The following GC variants were observed in gnomAD, a reference collection of about 807,000 sequenced individuals.
GC encodes the protein GC vitamin D binding protein.
GC carries 43 observed loss-of-function variants against 56.7 expected under a neutral mutation model. That is an observed-to-expected ratio of 0.76 (90% CI 0.59 to 0.98). The LOEUF is 0.98. Among genes scored for constraint, GC ranks in the 50% least tolerant of loss-of-function variants. The pLI, the probability that GC is intolerant of heterozygous loss-of-function variation, is 0.00. For missense variants in GC, 529 were observed against 545.9 expected, an observed-to-expected ratio of 0.97 and a Z score of 0.31; for synonymous variants, 216 against 202.7, an observed-to-expected ratio of 1.07 and a Z score of -0.56.
intron 1 of GC, among the ~76,000 whole-genome samples, chr4:71,776,217 C>G (rs940858360): frequency 3.3e-5 from 5 of 151,774 alleles, no homozygotes; most frequent in African/African-American, 1.2e-4. Flanking sequence ...TTTACTGTAG[C>G]ATTATTCACA....
chr4:71,804,813 T>C (rs901723580), upstream of GC, among the ~76,000 whole-genome samples: 3 of 151,414 alleles, frequency 2.0e-5, no homozygotes, highest in Non-Finnish European at 4.4e-5. Flanking sequence ...GTCCCATAAC[T>C]GTTGTGTATC....
chr4:71,769,949 C>T (rs1054810933), intron 1 of GC, among the ~76,000 whole-genome samples: 23 of 152,164 alleles, frequency 1.5e-4, no homozygotes, highest in Non-Finnish European at 2.9e-4. Context: ...TGCTACTTGG[C>T]TCCTGGCTGT....
At chr4:71,800,349 A>G (rs1447963630) in intron 1 of GC, among the ~76,000 whole-genome samples, 2 of 151,780 alleles carry the variant, frequency 1.3e-5, no homozygotes, top group Admixed American at 6.6e-5. Context: ...TTCTGTTCCT[A>G]TGTTAGTTTG....
At chr4:71,783,291 T>C (rs570646532) in intron 1 of GC, among the ~76,000 whole-genome samples, 17 of 151,874 alleles carry the variant, frequency 1.1e-4, no homozygotes, top group African/African-American at 3.9e-4. Context: ...GTAGAATTCA[T>C]AAAGTTGTAT....
chr4:71,796,450 G>A (rs997570967), intron 1 of GC, among the ~76,000 whole-genome samples: 4 of 152,034 alleles, frequency 2.6e-5, no homozygotes, highest in Admixed American at 6.5e-5. Context: ...CCATTTGATC[G>A]AATCAGCCAC....
At chr4:71,763,592 T>C (rs1051531668) in intron 5 of GC, 90 bp from the exon 6 acceptor site, 16 of 803,718 alleles carry the variant, frequency 2.0e-5, no homozygotes, top group Non-Finnish European at 2.9e-5. Flanking sequence ...AATTTCATGA[T>C]TTTTTAATGA....
intron 1 of GC, among the ~76,000 whole-genome samples, chr4:71,783,696 A>T (rs1742757316): frequency 6.6e-6 from 1 of 151,772 alleles, no homozygotes; most frequent in African/African-American, 2.4e-5. Context: ...TTGCTTATCA[A>T]CAAAGGAGGA....
chr4:71,755,974 A>G (rs1741755686), intron 8 of GC, among the ~76,000 whole-genome samples: 2 of 152,238 alleles, frequency 1.3e-5, no homozygotes, highest in Admixed American at 6.5e-5. Flanking sequence ...ATCATTATGC[A>G]TACACATCTA....
At chr4:71,746,106 T>G (rs1741353750) in intron 12 of GC, 45 bp downstream of exon 12, 2 of 766,046 alleles carry the variant, frequency 2.6e-6, no homozygotes, top group Admixed American at 2.0e-5. Flanking sequence ...AAATACATCC[T>G]ACAATGCTGG....
intron 1 of GC, among the ~76,000 whole-genome samples, chr4:71,778,089 G>T (rs1742567174): frequency 6.6e-6 from 1 of 151,758 alleles, no homozygotes; most frequent in African/African-American, 2.4e-5. Flanking sequence ...TGCATCAGCA[G>T]ATATGAATGT....
At chr4:71,774,858 A>T (rs1742455991) in intron 1 of GC, among the ~76,000 whole-genome samples, 1 of 151,238 alleles carries the variant, frequency 6.6e-6, no homozygotes, top group South Asian at 2.1e-4. Context: ...AATAACATAT[A>T]ACTTTTTGAG....
At chr4:71,795,695 T>A (rs1014173157) in intron 1 of GC, among the ~76,000 whole-genome samples, 5 of 152,178 alleles carry the variant, frequency 3.3e-5, no homozygotes, top group African/African-American at 1.2e-4. Flanking sequence ...TTGATCCTGT[T>A]ATTATGATGT....
chr4:71,775,717 A>G (rs959855881), intron 1 of GC, among the ~76,000 whole-genome samples: 5 of 152,014 alleles, frequency 3.3e-5, no homozygotes, highest in African/African-American at 1.2e-4. Flanking sequence ...TGAAGAGACA[A>G]CCCACAGACT....
At chr4:71,793,250 G>T (rs1485440129) in intron 1 of GC, among the ~76,000 whole-genome samples, 2 of 152,084 alleles carry the variant, frequency 1.3e-5, no homozygotes, top group Non-Finnish European at 2.9e-5. Flanking sequence ...ATTACCTTGG[G>T]CAGTATGGCC....
chr4:71,771,830 G>C (rs1742353336), intron 1 of GC, among the ~76,000 whole-genome samples: 1 of 152,130 alleles, frequency 6.6e-6, no homozygotes. Context: ...TGGAATTGAA[G>C]ACTAGAACAC....
At chr4:71,795,567 G>A (rs956913219) in intron 1 of GC, among the ~76,000 whole-genome samples, 31 of 152,204 alleles carry the variant, frequency 2.0e-4, no homozygotes, top group South Asian at 1.0e-3. Flanking sequence ...TGTGAAATGC[G>A]CCTCCTGAAT....
At chr4:71,800,176 G>A (rs753153826) in intron 1 of GC, among the ~76,000 whole-genome samples, 5 of 151,858 alleles carry the variant, frequency 3.3e-5, no homozygotes, top group South Asian at 2.1e-4. Context: ...CTATCAACCC[G>A]CCTTCTAGGT....
At chr4:71,745,933 C>A (rs1741349461) in intron 12 of GC, among the ~76,000 whole-genome samples, 1 of 151,346 alleles carries the variant, frequency 6.6e-6, no homozygotes, top group Non-Finnish European at 1.5e-5. Context: ...GGCAGGGGAC[C>A]AGTAAACCTG....
upstream of GC, among the ~76,000 whole-genome samples, chr4:71,787,617 G>A (rs1275959795): frequency 6.6e-6 from 1 of 151,862 alleles, no homozygotes; most frequent in Non-Finnish European, 1.5e-5. Flanking sequence ...TTGTGAGGGT[G>A]CAGAGAATGG....
Sources: allele counts gnomAD v4.1 joint callset (sites outside exome capture counted in the v4.1 genomes callset), GRCh38; gene constraint gnomAD v4.1.1; transcripts MANE v1.5; gene names NCBI Gene and HGNC (gene_info 2026-07-23, HGNC 2026-07-21).